Variants in ATAD3A observed in about 807,000 individuals in gnomAD.
ATAD3A encodes ATPase family AAA domain-containing protein 3A.
ATAD3A carries 46 observed loss-of-function variants against 73.8 expected under a neutral mutation model. The ratio of observed to expected loss-of-function variants is 0.62; its 90% CI spans 0.49 to 0.80. The LOEUF (loss-of-function observed/expected upper bound fraction) is 0.80. Among genes scored for constraint, ATAD3A ranks in the 30% least tolerant of loss-of-function variants. The pLI, the probability that ATAD3A is intolerant of heterozygous loss-of-function variation, is 0.00. For synonymous variants in ATAD3A, 319 were observed against 350.0 expected (o/e 0.91, Z 0.99); for missense variants, 705 against 838.0 (o/e 0.84, Z 1.96).
chr1:1,519,925 G>GTC (rs1641520724), intron 5 of ATAD3A, among the ~76,000 whole-genome samples: 1 of 152,258 alleles, frequency 6.6e-6, no homozygotes, highest in South Asian at 2.1e-4. Flanking sequence ...CCTATTGGCG[G>GTC]CGTGGGCCTG....
intron 2 of ATAD3A, 200 bp from the exon 3 acceptor site, chr1:1,517,111 C>A (rs926870459): frequency 6.5e-7 from 1 of 1,539,766 alleles, no homozygotes; most frequent in African/African-American, 1.4e-5. Flanking sequence ...CGGGCTTCTG[C>A]TGGTGCTTCT....
In ATAD3A at chr1:1,520,167, C is replaced by T. The variant is rs1272635218; in HGVS notation, c.541C>T (p.Arg181Trp). 1.4e-5 allele frequency: 23 copies of T among 1,611,324 alleles called. No homozygotes were observed. Among genetic ancestry groups the T allele is most frequent in the Middle Eastern group, 1.9e-4 (1 of 5,184 alleles). ...CACCGTGGAGCGGGAGATGGAGCTG[C>T]GGCACAAGAATGAGATGCTGCGAGT... ...RATVEREMEL[R>W]HKNEMLRVEA... is the part of the protein sequence containing the mutation. The change falls in exon 6 of 16, where the codon CGG becomes TGG. Residue 181 changes from arginine (R) to tryptophan (W), a missense_variant. This residue lies in a region of ATAD3A where 315 missense variants were observed against 334.1 expected (regional missense o/e 0.94). Coordinates refer to ENST00000378756, the MANE Select transcript of ATAD3A (RefSeq NM_001170535.3). This position sits in a 1 kb window ranked among gnomAD's most constrained non-coding sequence, Gnocchi z 4.0.
chr1:1,526,288 A>G (rs1641840044), intron 12 of ATAD3A, among the ~76,000 whole-genome samples, 173 bp from the exon 13 acceptor site: 1 of 151,704 alleles, frequency 6.6e-6, no homozygotes, highest in South Asian at 2.1e-4. Context: ...CCCAAAATCC[A>G]GGTTACATTC....
chr1:1,517,254 C>G (rs1485207536), intron 2 of ATAD3A, 57 bp from the exon 3 acceptor site: 16 of 1,547,194 alleles, frequency 1.0e-5, no homozygotes, highest in African/African-American at 1.4e-5. Flanking sequence ...ACAGGAGCGG[C>G]TGTCAGGCAG....
In ATAD3A at chr1:1,523,498, T is replaced by TC; in HGVS notation, c.907-9dup. On this transcript the variant is annotated splice_polypyrimidine_tract_variant and intron_variant, in intron 8 of 15. Coordinates refer to ENST00000378756, the MANE Select transcript of ATAD3A (RefSeq NM_001170535.3). The surrounding 1 kb of genome is among the most constrained non-coding windows in gnomAD (Gnocchi z 5.1). ...CAGGTGACCCGATGGCGCTTCCCCT[T>TC]CCCCTCCGGCAGGTCAGCCGGCGGC... 6.2e-7 allele frequency: 1 copy of TC among 1,610,782 alleles called. No homozygotes were observed. The highest frequency in any genetic ancestry group is 8.5e-7 in the Non-Finnish European group (1 of 1,178,912).
At chr1:1,529,600 C>T (rs1641967669) in intron 15 of ATAD3A, among the ~76,000 whole-genome samples, 1 of 152,190 alleles carries the variant, frequency 6.6e-6, no homozygotes, top group South Asian at 2.1e-4. Flanking sequence ...TCGCCGTAGC[C>T]CGAGCTTTGC....
rs1375535333 is a variant in ATAD3A at position 1,523,276 on chromosome 1, G to A, written c.907-235G>A. Among the ~76,000 whole-genome samples the A allele has an allele frequency of 6.6e-6, 1 of 152,156 alleles. No homozygotes were observed. The highest frequency in any genetic ancestry group is 2.4e-5 in the African/African-American group (1 of 41,442). On this transcript the variant is annotated intron_variant, in intron 8 of 15. Transcript: ENST00000378756. The surrounding 1 kb of genome is among the most constrained non-coding windows in gnomAD (Gnocchi z 5.1). ...CCCCCGAGGTGCCTGCTCTCCACAGGTCACTGGGTAGGTGGTTAAGAAAAT... is the reference window on the plus strand; with the variant it reads ...CCCCCGAGGTGCCTGCTCTCCACAGATCACTGGGTAGGTGGTTAAGAAAAT...
chr1:1,519,139 G>C (rs370448805), intron 5 of ATAD3A, 149 bp downstream of exon 5: 25,594 of 1,501,386 alleles, frequency 0.017, 394 homozygotes, highest in African/African-American at 0.078. Context: ...GGGTGGGGCT[G>C]CCTCTCGGAA....
chr1:1,529,396 G>A (rs755465469), intron 15 of ATAD3A, 65 bp downstream of exon 15: 784 of 1,510,060 alleles, frequency 5.2e-4, no homozygotes, highest in Non-Finnish European at 6.6e-4. Context: ...GCTCAGTTGC[G>A]CCAGGCCTGT....
chr1:1,515,998 C>T lies in ATAD3A; in HGVS notation c.206-14C>T, dbSNP rs764696208. On this transcript the variant is annotated splice_polypyrimidine_tract_variant and intron_variant, in intron 1 of 15. Coordinates refer to ENST00000378756, the MANE Select transcript of ATAD3A (RefSeq NM_001170535.3). ...GTATCCTAACACCTGCCCTCCGTGTCCTTGCGTCTGCAGGTTATGCCAAGG... is the reference window on the plus strand; with the variant it reads ...GTATCCTAACACCTGCCCTCCGTGTTCTTGCGTCTGCAGGTTATGCCAAGG... 11 of 1,613,814 alleles carry T rather than the reference C, an allele frequency of 6.8e-6. No homozygotes were observed. The highest frequency in any genetic ancestry group is 8.5e-6 in the Non-Finnish European group (10 of 1,179,906).
At chr1:1,527,642 G>A (rs1309556566) in intron 13 of ATAD3A, 53 bp from the exon 14 acceptor site, 29 of 1,560,004 alleles carry the variant, frequency 1.9e-5, no homozygotes, top group Non-Finnish European at 2.5e-5. Flanking sequence ...CGTTCCCCTT[G>A]GTGCAGCTCG....
chr1:1,515,136 G>C (rs532581508), intron 1 of ATAD3A, among the ~76,000 whole-genome samples: 1 of 152,150 alleles, frequency 6.6e-6, no homozygotes, highest in South Asian at 2.1e-4. Context: ...GGAGTGCAGC[G>C]GTGCGATCTG....
rs1287066803 is a variant in ATAD3A, at chr1:1,534,497, G to A, written c.*425G>A. On this transcript the variant is annotated 3_prime_UTR_variant, in exon 16 of 16. Coordinates refer to ENST00000378756, the MANE Select transcript of ATAD3A (RefSeq NM_001170535.3). ...GGGCGCCTGCCAGGGCCAGACCCAG[G>A]TGGGGCAGCCTGAACCCTGCTTCCC... 5.9e-6 allele frequency: 5 copies of A among 851,684 alleles called. No homozygotes were observed. In the South Asian group the frequency reaches 1.4e-4, roughly 23 times the overall value. 52.8% of individuals were successfully genotyped at this position (851,684 alleles called of 1,614,324 possible). A position where few individuals can be genotyped will look rare whatever the true frequency, so the allele number is the denominator to read the frequency against.
In ATAD3A at chr1:1,520,056, C is replaced by A. The variant is rs1209579852; in HGVS notation, c.515-85C>A. On this transcript the variant is annotated intron_variant, in intron 5 of 15. Transcript: ENST00000378756. This position sits in a 1 kb window ranked among gnomAD's most constrained non-coding sequence, Gnocchi z 4.0. ...TGGTCTGTCCGTGGCGTGGGCCGGTCCGTGGCGTGGGCCGGTCCACAGTGT... is the reference window on the plus strand; with the variant it reads ...TGGTCTGTCCGTGGCGTGGGCCGGTACGTGGCGTGGGCCGGTCCACAGTGT... The A allele has an allele frequency of 6.5e-7, 1 of 1,532,782 alleles. No homozygotes were observed. The highest frequency in any genetic ancestry group is 2.0e-5 in the Admixed American group (1 of 50,508). 94.9% of individuals were successfully genotyped at this position (1,532,782 alleles called of 1,614,324 possible).
intron 7 of ATAD3A, among the ~76,000 whole-genome samples, chr1:1,521,703 T>G (rs1389131511): frequency 1.3e-5 from 2 of 152,200 alleles, no homozygotes; most frequent in Admixed American, 6.5e-5. Flanking sequence ...CGATGACTTT[T>G]GTTTGTTTGT....
chr1:1,527,786 G>C lies in ATAD3A; in HGVS notation c.1429G>C (p.Gly477Arg). The C allele has an allele frequency of 6.2e-7, 1 of 1,614,018 alleles. No individual in the cohort carries two copies. Among genetic ancestry groups the C allele is most frequent in the African/African-American group, 1.3e-5 (1 of 75,048 alleles). The change falls in exon 14 of 16, where the codon GGG becomes CGG. Residue 477 changes from glycine (G) to arginine (R), a missense_variant. Gly to Arg is a moderately radical substitution (Grantham distance 125). Coordinates refer to ENST00000378756, the MANE Select transcript of ATAD3A (RefSeq NM_001170535.3). Reference sequence around the variant, plus strand: ...TGAGATGGTCCACTTCGACCTGCCAGGGCAGGAGGAACGGGAGCGCCTGGT... The same window carrying C: ...TGAGATGGTCCACTTCGACCTGCCACGGCAGGAGGAACGGGAGCGCCTGGT... ...INEMVHFDLP[G>R]QEERERLVRM... is the part of the protein sequence containing the mutation.
rs201199935 is a variant in ATAD3A at position 1,525,211 on chromosome 1, G to A, written c.1215-29G>A. ...GTGGGCTGCTCCTGGTGTCACTCTC[G>A]CCCTGCTTGGCCTCCCTCTCGTTCA... On this transcript the variant is annotated intron_variant, in intron 11 of 15. Transcript: ENST00000378756. The A allele has an allele frequency of 1.6e-3, 2,647 of 1,612,844 alleles. 4 individuals carry two copies. The highest frequency in any genetic ancestry group is 3.6e-3 in the Middle Eastern group (20 of 5,578).
chr1:1,512,596 C>G (rs1266991256), intron 1 of ATAD3A, 123 bp downstream of exon 1: 2 of 1,406,642 alleles, frequency 1.4e-6, no homozygotes, highest in Admixed American at 2.3e-5. Context: ...ACTGCGCCCC[C>G]GGAGCACCCC....
At chr1:1,531,090 G>A (rs114604282) in intron 15 of ATAD3A, among the ~76,000 whole-genome samples, 1,562 of 152,158 alleles carry the variant, frequency 0.01, 13 homozygotes, top group South Asian at 0.013. Flanking sequence ...TCCAGGAGGC[G>A]GAGGATGCGG....
Sources: gnomAD v4.1 joint callset for allele counts (sites outside exome capture counted in the v4.1 genomes callset) on GRCh38, gnomAD v4.1.1 for gene constraint, gnomAD v4.1.1 regional missense constraint, Gnocchi (gnomAD v3.1) non-coding constraint, MANE v1.5 for transcripts, NCBI Gene and HGNC (gene_info 2026-07-23, HGNC 2026-07-21) for gene names.